Variants in MROH7 observed in about 807,000 individuals in gnomAD.
MROH7 encodes maestro heat like repeat family member 7.
A neutral mutation model predicts 129.2 loss-of-function variants in MROH7; 113 were observed. That is an observed-to-expected ratio of 0.87 (90% CI 0.75 to 1.02). The LOEUF (loss-of-function observed/expected upper bound fraction) is 1.02, where lower values mean the gene tolerates loss of function less well. Ranked by LOEUF, MROH7 falls within the 50% of genes least tolerant of loss-of-function variation. The pLI, the probability that MROH7 is intolerant of heterozygous loss-of-function variation, is 0.00. For synonymous variants in MROH7, 655 were observed against 667.9 expected (o/e 0.98, Z 0.30); for missense variants, 1,601 against 1,671.3 (o/e 0.96, Z 0.73).
chr1:54,666,886 C>A (rs920250977), intron 4 of MROH7, among the ~76,000 whole-genome samples: 5 of 152,178 alleles, frequency 3.3e-5, no homozygotes, highest in Admixed American at 6.5e-5. Flanking sequence ...GGAACAACAG[C>A]TGATCTCCTT....
At chr1:54,651,787 A>ACTCTCTCTCTCTCTCTCT (rs4060836) in intron 1 of MROH7, 162 bp from the exon 2 acceptor site, 3 of 128,710 alleles carry the variant, frequency 2.3e-5, no homozygotes, top group African/African-American at 9.0e-5. Context: ...TATTAAACTT[A>ACTCTCTCTCTCTCTCTCT]CTCTCTCTCT....
At chr1:54,654,313 T>G (rs1031102827) in intron 3 of MROH7, among the ~76,000 whole-genome samples, 156 bp downstream of exon 3, 49 of 152,212 alleles carry the variant, frequency 3.2e-4, no homozygotes, top group African/African-American at 1.2e-3. Flanking sequence ...ATAATCGGCC[T>G]CTGCTAGCAA....
chr1:54,674,165 G>A lies in MROH7; in HGVS notation c.1936+14G>A. 6.2e-7 allele frequency: 1 copy of A among 1,609,024 alleles called. No individual in the cohort carries two copies. The highest frequency in any genetic ancestry group is 1.1e-5 in the South Asian group (1 of 90,120). ...AGCTCCAAAAACGTAAGCCCTATCG[G>A]AGTACTTCTGAAGGAAGTCTTCTGA... On this transcript the variant is annotated intron_variant, in intron 10 of 23. Coordinates refer to ENST00000421030, the MANE Select transcript of MROH7 (RefSeq NM_001039464.4).
intron 17 of MROH7, chr1:54,699,159 T>TTTTCTTTCTTTCTTTCTTTCTTTCTTTC (rs71581823): frequency 6.2e-4 from 41 of 65,960 alleles, no homozygotes; most frequent in African/African-American, 1.8e-3. Context: ...TCTTTCTTTC[T>TTTTCTTTCTTTCTTTCTTTCTTTCTTTC]TTTCTTTCTT....
intron 1 of MROH7, among the ~76,000 whole-genome samples, chr1:54,643,541 C>T (rs182960436): frequency 1.3e-5 from 2 of 152,188 alleles, no homozygotes; most frequent in East Asian, 1.9e-4. Context: ...TCACTCCTGG[C>T]CTGTCCACCA....
intron 1 of MROH7, among the ~76,000 whole-genome samples, chr1:54,650,607 T>G (rs1193098147): frequency 6.6e-6 from 1 of 151,934 alleles, no homozygotes; most frequent in Non-Finnish European, 1.5e-5. Flanking sequence ...CCTTTCTTCC[T>G]TCTTCTCTTC....
intron 10 of MROH7, among the ~76,000 whole-genome samples, chr1:54,675,523 G>A (rs543409724): frequency 2.5e-4 from 38 of 152,020 alleles, no homozygotes; most frequent in African/African-American, 8.0e-4. Context: ...GGATGAAGGT[G>A]GTATAAGCCA....
intron 15 of MROH7, among the ~76,000 whole-genome samples, chr1:54,692,160 T>G (rs115752312): frequency 0.015 from 2,315 of 152,242 alleles, 49 homozygotes; most frequent in African/African-American, 0.054. Context: ...GGCTGATGCA[T>G]AGTGGAGGGT....
intron 17 of MROH7, chr1:54,699,104 TTC>T (rs1266432605): frequency 2.1e-3 from 137 of 63,902 alleles, no homozygotes; most frequent in African/African-American, 7.3e-3. Flanking sequence ...TTTTCTTTCT[TTC>T]TTTCTTTCTT....
Position 54,701,208 on chromosome 1 carries a change from G to C in MROH7, c.3171G>C (p.Leu1057=). The C allele has an allele frequency of 6.2e-7, 1 of 1,614,226 alleles. No homozygotes were observed. Among genetic ancestry groups the C allele is most frequent in the Non-Finnish European group, 8.5e-7 (1 of 1,180,034 alleles). ...GCCTGAAGAACATGGATGGGATGCTGGTGGTGGAAGCGGTCCACAACCTCA... is the reference window on the plus strand; with the variant it reads ...GCCTGAAGAACATGGATGGGATGCTCGTGGTGGAAGCGGTCCACAACCTCA... ...VKGLKNMDGM[L]VVEAVHNLKA... The change falls in exon 19 of 24, where the codon CTG becomes CTC. Residue 1057 remains leucine, a synonymous_variant. Coordinates refer to ENST00000421030, the MANE Select transcript of MROH7 (RefSeq NM_001039464.4).
intron 3 of MROH7, among the ~76,000 whole-genome samples, chr1:54,664,509 A>T (rs2101092055): frequency 6.6e-6 from 1 of 152,274 alleles, no homozygotes; most frequent in African/African-American, 2.4e-5. Flanking sequence ...CCCTGAGGGG[A>T]AATGTGCCCA....
At position 54,673,092 on chromosome 1, in the gene MROH7, C is replaced by T. The variant is rs762511023; in HGVS notation, c.1601C>T (p.Ala534Val). The T allele has an allele frequency of 6.2e-7, 1 of 1,612,582 alleles. No homozygotes were observed. Among genetic ancestry groups the T allele is most frequent in the Non-Finnish European group, 8.5e-7 (1 of 1,178,710 alleles). Residue 534 changes from alanine to valine, a missense_variant and splice_region_variant, in exon 8 of 24, where the codon GCT (alanine) becomes GTT (valine). Coordinates refer to ENST00000421030, the MANE Select transcript of MROH7 (RefSeq NM_001039464.4). Reference protein sequence around the residue: ...KDEAKAETIQALYHQTLEALQ... With the variant: ...KDEAKAETIQVLYHQTLEALQ... ...GCTTGGTCCTCCTCCCATCCACAGG[C>T]TCTTTACCATCAGACCCTGGAGGCC...
chr1:54,692,292 C>A, intron 15 of MROH7, 132 bp from the exon 16 acceptor site: 1 of 1,134,086 alleles, frequency 8.8e-7, no homozygotes, highest in Non-Finnish European at 1.3e-6. Flanking sequence ...TTTGTGGATA[C>A]ACTGAATACC....
intron 22 of MROH7, among the ~76,000 whole-genome samples, chr1:54,706,778 C>T (rs1645541232): frequency 6.6e-6 from 1 of 152,198 alleles, no homozygotes. Flanking sequence ...ACAACCTTGG[C>T]AACTGTATAT....
Position 54,692,475 on chromosome 1 carries a change from T to C in MROH7, c.2763T>C (p.Tyr921=), listed in dbSNP as rs1645254795. 1.2e-6 allele frequency: 2 copies of C among 1,614,138 alleles called. No homozygotes were observed. Among genetic ancestry groups the C allele is most frequent in the Non-Finnish European group, 1.7e-6 (2 of 1,180,032 alleles). ...KTLLLRMGCS[Y]ETTFLEDQGG... ...TGCTACTGAGGATGGGCTGCTCTTATGAGACCACGTTTCTGGAGGACCAGG... is the reference window on the plus strand; with the variant it reads ...TGCTACTGAGGATGGGCTGCTCTTACGAGACCACGTTTCTGGAGGACCAGG... The change falls in exon 16 of 24, where the codon TAT becomes TAC. Residue 921 remains tyrosine (Y), a synonymous_variant. Coordinates refer to ENST00000421030, the MANE Select transcript of MROH7 (RefSeq NM_001039464.4).
At chr1:54,686,111 G>T in intron 14 of MROH7, 147 bp from the exon 15 acceptor site, 2 of 632,304 alleles carry the variant, frequency 3.2e-6, no homozygotes, top group East Asian at 2.9e-5. Context: ...TTTGGGGCTG[G>T]GGGGTGGGGA....
chr1:54,707,817 A>C (rs1169164313), intron 22 of MROH7, among the ~76,000 whole-genome samples: 1 of 152,156 alleles, frequency 6.6e-6, no homozygotes, highest in Non-Finnish European at 1.5e-5. Flanking sequence ...GAAGAAAATT[A>C]TGAATACTTT....
At position 54,668,950 on chromosome 1, in the gene MROH7, C is replaced by T. The variant is rs116481805; in HGVS notation, c.1389+13C>T. 12 of 1,597,434 alleles carry T rather than the reference C, an allele frequency of 7.5e-6. No homozygotes were observed. Among genetic ancestry groups the T allele is most frequent in the Non-Finnish European group, 8.6e-6 (10 of 1,165,550 alleles). ...AAAGAAGATTATGGTGGGGGAGCCACAGGCGGGTCTGTGGCATTGGGGTGG... is the reference window on the plus strand; with the variant it reads ...AAAGAAGATTATGGTGGGGGAGCCATAGGCGGGTCTGTGGCATTGGGGTGG... On this transcript the variant is annotated intron_variant, in intron 5 of 23. Coordinates refer to ENST00000421030, the MANE Select transcript of MROH7 (RefSeq NM_001039464.4).
intron 21 of MROH7, among the ~76,000 whole-genome samples, chr1:54,704,886 G>A (rs778005847): frequency 3.1e-5 from 4 of 126,996 alleles, no homozygotes; most frequent in East Asian, 5.4e-4. Flanking sequence ...CGCAACCCTC[G>A]CCTCCCAGGT....
Sources: allele counts gnomAD v4.1 joint callset (sites outside exome capture counted in the v4.1 genomes callset), GRCh38; gene constraint gnomAD v4.1.1; transcripts MANE v1.5; gene names NCBI Gene and HGNC (gene_info 2026-07-23, HGNC 2026-07-21).